The following ZFHX3 variants were observed in gnomAD, a reference collection of about 807,000 sequenced individuals.
ZFHX3 encodes zinc finger homeobox 3, also known as zinc finger homeobox protein 3.
A neutral mutation model predicts 279.1 loss-of-function variants in ZFHX3; 42 were observed. The observed-to-expected ratio is 0.15, with a 90% CI of 0.12 to 0.19. The LOEUF (loss-of-function observed/expected upper bound fraction) is 0.19. Ranked by LOEUF, ZFHX3 falls within the 10% of genes least tolerant of loss-of-function variation. ZFHX3 has a pLI of 1.00. For missense variants in ZFHX3, 4,981 were observed against 4,754.0 expected (o/e 1.05, Z -1.40); for synonymous variants, 2,293 against 1,957.8 (o/e 1.17, Z -4.52).
chr16:73,509,567 G>A (rs144013592), intron 2 of ZFHX3, among the ~76,000 whole-genome samples: 46 of 133,014 alleles, frequency 3.5e-4, no homozygotes, highest in Middle Eastern at 4.6e-3. Context: ...CTCTGTCACC[G>A]AGGCTGGAGT....
intron 2 of ZFHX3, among the ~76,000 whole-genome samples, chr16:73,660,922 TCTA>T (rs980654705): frequency 4.2e-5 from 6 of 143,690 alleles, no homozygotes; most frequent in African/African-American, 1.0e-4. Flanking sequence ...ATCTATCTGT[TCTA>T]CTAATATGCT....
intron 3 of ZFHX3, among the ~76,000 whole-genome samples, chr16:73,380,797 G>A (rs2016806986): frequency 6.6e-6 from 1 of 152,154 alleles, no homozygotes; most frequent in South Asian, 2.1e-4. Context: ...TTGAGCCCAG[G>A]AGTTTGAGAC....
intron 1 of ZFHX3, among the ~76,000 whole-genome samples, chr16:73,795,735 T>C (rs1000132072): frequency 6.6e-6 from 1 of 152,138 alleles, no homozygotes; most frequent in African/African-American, 2.4e-5. Flanking sequence ...TAACCCAGAA[T>C]TGCATTCAGA....
At chr16:73,220,950 G>C (rs918805080) in intron 5 of ZFHX3, among the ~76,000 whole-genome samples, 1 of 152,166 alleles carries the variant, frequency 6.6e-6, no homozygotes, top group Non-Finnish European at 1.5e-5. Flanking sequence ...CAGTGGTCCA[G>C]GGAATCTCTG....
intron 8 of ZFHX3, among the ~76,000 whole-genome samples, chr16:73,091,812 A>G (rs1966086420): frequency 6.6e-6 from 1 of 152,208 alleles, no homozygotes; most frequent in Non-Finnish European, 1.5e-5. Flanking sequence ...AAACCCTGAG[A>G]ATATCTATAA....
chr16:73,808,101 G>A (rs2142333587), intron 1 of ZFHX3, among the ~76,000 whole-genome samples: 1 of 152,276 alleles, frequency 6.6e-6, no homozygotes, highest in Non-Finnish European at 1.5e-5. Context: ...TGGGGCATGG[G>A]CAGGAAGATG....
At chr16:73,196,797 A>G (rs1968158473) in intron 5 of ZFHX3, among the ~76,000 whole-genome samples, 3 of 152,148 alleles carry the variant, frequency 2.0e-5, no homozygotes, top group African/African-American at 7.2e-5. Context: ...AGAGGACTCT[A>G]CCTCACTATT....
rs60477881 is a variant in ZFHX3 at position 73,634,433 on chromosome 16, A to AATATAT, written c.-1547+45741_-1547+45746dup. 4.3e-4 allele frequency among the ~76,000 whole-genome samples: 26 copies of AATATAT among 59,906 alleles called. No individual in the cohort carries two copies. The South Asian group carries it at 6.3e-3, about 14-fold the overall frequency. 39.3% of individuals were successfully genotyped at this position (59,906 alleles called of 152,430 possible). ...GGCAACTCAACCAGTTATTATGTAT[A>AATATAT]ATATATATATATATATATATATATA... On this transcript the variant is annotated intron_variant, in intron 2 of 17. Coordinates refer to the ZFHX3 transcript ENST00000641206.
intron 3 of ZFHX3, among the ~76,000 whole-genome samples, chr16:73,405,373 A>G (rs1181694931): frequency 1.3e-5 from 2 of 152,174 alleles, no homozygotes; most frequent in Non-Finnish European, 1.5e-5. Context: ...GTAGAATAAC[A>G]TAAAAAAGGA....
chr16:73,327,409 C>A (rs2015712317), intron 3 of ZFHX3, among the ~76,000 whole-genome samples: 1 of 152,198 alleles, frequency 6.6e-6, no homozygotes, highest in South Asian at 2.1e-4. Flanking sequence ...AACCAAACAA[C>A]CCTCTTCTAT....
At chr16:72,956,502 C>T (rs1961257041) in intron 2 of ZFHX3, among the ~76,000 whole-genome samples, 1 of 152,156 alleles carries the variant, frequency 6.6e-6, no homozygotes, top group Non-Finnish European at 1.5e-5. Context: ...CTCAAAGTGG[C>T]TGTGGTTCGT....
In ZFHX3 at chr16:72,798,478, G is replaced by C. The variant is rs759917787; in HGVS notation, c.4204C>G (p.Arg1402Gly). Reference protein sequence around the residue: ...PVSDRHVYKYRCNQCSLAFKT... With the variant: ...PVSDRHVYKYGCNQCSLAFKT... The stretch of plus-strand genomic sequence containing the variant: ...AAGGCCAGGCTACACTGATTACAGC[G>C]GTACTTGTACACATGGCGATCTGAC... Residue 1402 changes from arginine to glycine, a missense_variant, in exon 9 of 10, where the codon CGC becomes GGC. Arg to Gly is a moderately radical substitution (Grantham distance 125). Transcript: ENST00000268489. 6.2e-7 allele frequency: 1 copy of C among 1,614,018 alleles called. No homozygotes were observed. Among genetic ancestry groups the C allele is most frequent in the African/African-American group, 1.3e-5 (1 of 74,906 alleles).
At chr16:72,977,928 G>A (rs915715993) in intron 1 of ZFHX3, among the ~76,000 whole-genome samples, 4 of 151,774 alleles carry the variant, frequency 2.6e-5, no homozygotes, top group South Asian at 2.1e-4. Flanking sequence ...GCAGTGGCAC[G>A]ATCTCGGCTC....
At chr16:73,237,822 T>C (rs2144939739) in intron 5 of ZFHX3, among the ~76,000 whole-genome samples, 1 of 151,964 alleles carries the variant, frequency 6.6e-6, no homozygotes, top group Admixed American at 6.5e-5. Flanking sequence ...TAATTTCCAC[T>C]GGCAAAGGCA....
At chr16:73,050,648 C>CT (rs1315748259), upstream of ZFHX3, among the ~76,000 whole-genome samples, 4 of 152,190 alleles carry the variant, frequency 2.6e-5, no homozygotes, top group African/African-American at 9.7e-5. Flanking sequence ...AAATTCTATC[C>CT]TCCAGCTCTG....
intron 3 of ZFHX3, among the ~76,000 whole-genome samples, chr16:73,396,432 T>TG (rs1017823231): frequency 6.6e-6 from 1 of 151,912 alleles, no homozygotes; most frequent in African/African-American, 2.4e-5. Flanking sequence ...TTTATTTTTT[T>TG]TCATTCATTC....
At chr16:73,604,418 C>T (rs2052156438) in intron 2 of ZFHX3, among the ~76,000 whole-genome samples, 1 of 152,146 alleles carries the variant, frequency 6.6e-6, no homozygotes, top group Non-Finnish European at 1.5e-5. Context: ...GTCAACTCAT[C>T]AGATACGCCT....
intron 1 of ZFHX3, among the ~76,000 whole-genome samples, chr16:72,987,810 G>C (rs1196042378): frequency 6.6e-6 from 1 of 152,160 alleles, no homozygotes; most frequent in Non-Finnish European, 1.5e-5. Flanking sequence ...GGAATGGCCG[G>C]AGGGAATCTG....
chr16:73,365,829 TC>T (rs2016520000), intron 3 of ZFHX3, among the ~76,000 whole-genome samples: 1 of 152,140 alleles, frequency 6.6e-6, no homozygotes, highest in African/African-American at 2.4e-5. Context: ...TGATAGAGAT[TC>T]CCAGGTGCAG....
Sources: gnomAD v4.1 joint callset for allele counts (sites outside exome capture counted in the v4.1 genomes callset) on GRCh38, gnomAD v4.1.1 for gene constraint, MANE v1.5 for transcripts, NCBI Gene and HGNC (gene_info 2026-07-23, HGNC 2026-07-21) for gene names.